FHDC1: variants seen among roughly 807,000 people sequenced by gnomAD.
The protein encoded by FHDC1 is FH2 domain-containing protein 1.
FHDC1 carries 25 observed loss-of-function variants against 52.6 expected under a neutral mutation model. The observed-to-expected ratio is 0.48, with a 90% CI of 0.35 to 0.66. FHDC1 has a LOEUF of 0.66. Ranked by LOEUF, FHDC1 falls within the 30% of genes least tolerant of loss-of-function variation. The pLI, the probability that FHDC1 is intolerant of heterozygous loss-of-function variation, is 0.01. For synonymous variants in FHDC1, 616 were observed against 581.5 expected (o/e 1.06, Z -0.85); for missense variants, 1,459 against 1,452.8 (o/e 1.00, Z -0.07).
Position 152,976,752 on chromosome 4 carries a change from G to A in FHDC1, c.*29G>A. On this transcript the variant is annotated 3_prime_UTR_variant, in exon 12 of 12. Coordinates refer to ENST00000511601, the MANE Select transcript of FHDC1 (RefSeq NM_001371116.1). ...GTGCCTGTCCTCTCCTGCCTCCTGG[G>A]ATTCAGACGGTGAAGACTGACTTCT... 2 of 1,453,016 alleles carry A rather than the reference G, an allele frequency of 1.4e-6. No individual in the cohort carries two copies. The highest frequency in any genetic ancestry group is 2.9e-5 in the African/African-American group (2 of 70,172). The allele number at this position is 1,453,016 out of a possible 1,614,324, so 90.0% of individuals were successfully genotyped here.
In FHDC1 at chr4:152,977,483, C is replaced by T. The variant is rs1159916673; in HGVS notation, c.*760C>T. On this transcript the variant is annotated 3_prime_UTR_variant, in exon 12 of 12. Coordinates refer to ENST00000511601, the MANE Select transcript of FHDC1 (RefSeq NM_001371116.1). The stretch of plus-strand genomic sequence containing the variant: ...TTGCGACAGGGTCGTGCTCTTGTCT[C>T]CCAGACTGGACTGCAGTGGCACAAT... 1 of 152,152 alleles carries T rather than the reference C, an allele frequency of 6.6e-6. No individual in the cohort carries two copies. Among genetic ancestry groups the T allele is most frequent in the African/African-American group, 2.4e-5 (1 of 41,430 alleles). 9.4% of individuals were successfully genotyped at this position (152,152 alleles called of 1,614,324 possible). A position where few individuals can be genotyped will look rare whatever the true frequency, so the allele number is the denominator to read the frequency against.
the FHDC1 span, among the ~76,000 whole-genome samples, chr4:152,926,303 C>CACACACACAT: frequency 7.5e-4 from 106 of 141,166 alleles, no homozygotes; most frequent in Middle Eastern, 3.5e-3. Flanking sequence ...CACACACACA[C>CACACACACAT]AAACAATACA....
intron 1 of FHDC1, 26 bp downstream of exon 1, chr4:152,936,435 CG>C: frequency 6.6e-6 from 1 of 152,204 alleles, no homozygotes; most frequent in Non-Finnish European, 1.5e-5. Flanking sequence ...GCGGCCGAGG[CG>C]GGGGCGACCG....
chr4:152,932,542 C>T (rs1286311646), upstream of FHDC1, among the ~76,000 whole-genome samples: 1 of 152,216 alleles, frequency 6.6e-6, no homozygotes. Context: ...GATTGGCAAG[C>T]CTTTGCATTT....
At chr4:152,933,309 A>G (rs559069087), upstream of FHDC1, among the ~76,000 whole-genome samples, 49 of 152,358 alleles carry the variant, frequency 3.2e-4, no homozygotes, top group African/African-American at 1.2e-3. Context: ...ATATTAATAG[A>G]TGAAGAATAA....
chr4:152,960,927 C>A, intron 6 of FHDC1, 83 bp downstream of exon 6: 2 of 976,672 alleles, frequency 2.0e-6, no homozygotes, highest in Non-Finnish European at 3.0e-6. Flanking sequence ...TGAAATTGGA[C>A]ATGGAAAGTC....
the FHDC1 span, among the ~76,000 whole-genome samples, chr4:152,913,279 T>C: frequency 6.6e-6 from 1 of 152,248 alleles, no homozygotes; most frequent in Non-Finnish European, 1.5e-5. Context: ...GTATGCAAGA[T>C]GCTTGCCTTT....
intron 1 of FHDC1, among the ~76,000 whole-genome samples, chr4:152,938,691 C>T (rs1434954694): frequency 3.9e-5 from 6 of 152,208 alleles, no homozygotes; most frequent in African/African-American, 1.4e-4. Context: ...CCTTCCTGCC[C>T]CCACCTCTTC....
intron 6 of FHDC1, 101 bp downstream of exon 6, chr4:152,960,945 T>G (rs2149951799): frequency 1.3e-6 from 1 of 763,700 alleles, no homozygotes; most frequent in Non-Finnish European, 2.0e-6. Flanking sequence ...GTCCTGAATT[T>G]CTGATATACC....
chr4:152,962,826 G>A lies in FHDC1; in HGVS notation c.863G>A (p.Cys288Tyr). Residue 288 changes from cysteine to tyrosine, a missense_variant, in exon 7 of 12, where the codon TGT (cysteine) becomes TAT (tyrosine). Physicochemically the swap from Cys to Tyr is radical, Grantham distance 194. This residue lies in a region of FHDC1 where 513 missense variants were observed against 581.5 expected (regional missense o/e 0.88). Transcript: ENST00000511601. ...LRTAIKELMS[C>Y]EELHSILHLV... ...TTCTTTTTGATAGAACTGATGTCAT[G>A]TGAAGAGCTACATTCAATATTACAC... The A allele has an allele frequency of 2.5e-6, 4 of 1,614,064 alleles. No homozygotes were observed. Among genetic ancestry groups the A allele is most frequent in the Non-Finnish European group, 3.4e-6 (4 of 1,179,962 alleles).
Position 152,946,681 on chromosome 4 carries a change from G to A in FHDC1, c.498+3126G>A, listed in dbSNP as rs369385715. Among the ~76,000 whole-genome samples the A allele has an allele frequency of 8.5e-4, 129 of 152,330 alleles. 2 individuals are homozygous for A. In the South Asian group the frequency reaches 0.016, roughly 19 times the overall value. On this transcript the variant is annotated intron_variant, in intron 2 of 11. Coordinates refer to ENST00000511601, the MANE Select transcript of FHDC1 (RefSeq NM_001371116.1). ...GACTGCTCCTGAGCCCGGAGCCACAGCATCACCATATTACAACACAGGCTG... is the reference window on the plus strand; with the variant it reads ...GACTGCTCCTGAGCCCGGAGCCACAACATCACCATATTACAACACAGGCTG...
chr4:152,971,712 C>T (rs1740643332), intron 10 of FHDC1, among the ~76,000 whole-genome samples: 1 of 152,226 alleles, frequency 6.6e-6, no homozygotes, highest in Non-Finnish European at 1.5e-5. Flanking sequence ...CCATCAGAAT[C>T]TCCTGGGGTG....
At chr4:152,949,591 G>A (rs956372416) in intron 2 of FHDC1, among the ~76,000 whole-genome samples, 3 of 152,220 alleles carry the variant, frequency 2.0e-5, no homozygotes, top group Non-Finnish European at 4.4e-5. Flanking sequence ...ATTTTGTAGT[G>A]GATTGATGAA....
In FHDC1 at chr4:152,976,757, A is replaced by G; in HGVS notation, c.*34A>G. ...TGTCCTCTCCTGCCTCCTGGGATTC[A>G]GACGGTGAAGACTGACTTCTGGGAC... On this transcript the variant is annotated 3_prime_UTR_variant, in exon 12 of 12. Transcript: ENST00000511601. 1 of 1,450,474 alleles carries G rather than the reference A, an allele frequency of 6.9e-7. No individual in the cohort carries two copies. The highest frequency in any genetic ancestry group is 9.1e-7 in the Non-Finnish European group (1 of 1,097,674). The allele number at this position is 1,450,474 out of a possible 1,614,324, so 89.9% of individuals were successfully genotyped here.
chr4:152,918,561 G>A, the FHDC1 span: 2 of 152,200 alleles, frequency 1.3e-5, no homozygotes, highest in Admixed American at 6.5e-5. Context: ...GAGGATCAAA[G>A]CCACATGCTT....
At chr4:152,962,761 G>A in intron 6 of FHDC1, 53 bp from the exon 7 acceptor site, 3 of 1,449,752 alleles carry the variant, frequency 2.1e-6, no homozygotes, top group Non-Finnish European at 2.9e-6. Context: ...TGTCTTTTGT[G>A]CATTTGAAAC....
chr4:152,947,213 T>A (rs1739760871), intron 2 of FHDC1, among the ~76,000 whole-genome samples: 1 of 140,796 alleles, frequency 7.1e-6, no homozygotes, highest in Non-Finnish European at 1.5e-5. Flanking sequence ...AGCAAGACTG[T>A]CTCAAAAAAA....
the FHDC1 span, among the ~76,000 whole-genome samples, chr4:152,926,598 G>T: frequency 6.7e-6 from 1 of 150,048 alleles, no homozygotes; most frequent in African/African-American, 2.4e-5. Flanking sequence ...AAAAAAAAAG[G>T]TGGCCTTGTT....
chr4:152,973,093 C>T (rs934652012), intron 11 of FHDC1, among the ~76,000 whole-genome samples: 4 of 152,214 alleles, frequency 2.6e-5, no homozygotes, highest in Non-Finnish European at 4.4e-5. Flanking sequence ...CTGAGCAAGA[C>T]AGCTACCTTT....
Sources: gnomAD v4.1 joint callset for allele counts (sites outside exome capture counted in the v4.1 genomes callset) on GRCh38, gnomAD v4.1.1 for gene constraint, gnomAD v4.1.1 regional missense constraint, MANE v1.5 for transcripts, NCBI Gene and HGNC (gene_info 2026-07-23, HGNC 2026-07-21) for gene names.